The following CCNB3 variants were observed in gnomAD, a reference collection of about 807,000 sequenced individuals.
CCNB3 encodes the protein G2/mitotic-specific cyclin-B3.
A neutral mutation model predicts 68.0 loss-of-function variants in CCNB3; 12 were observed. The ratio of observed to expected loss-of-function variants is 0.18; its 90% CI spans 0.11 to 0.29. The LOEUF (loss-of-function observed/expected upper bound fraction) is 0.29, where lower values mean the gene tolerates loss of function less well. Ranked by LOEUF, CCNB3 falls within the 10% of genes least tolerant of loss-of-function variation. The probability of loss-of-function intolerance (pLI) is 1.00; values close to 1 mark genes in which losing one functional copy is unlikely to be tolerated. For synonymous variants in CCNB3, 354 were observed against 388.9 expected, an observed-to-expected ratio of 0.91 and a Z score of 1.06; for missense variants, 904 against 993.1, an observed-to-expected ratio of 0.91 and a Z score of 1.21.
Position 50,310,669 on chromosome X carries a change from C to A in CCNB3, c.2500C>A (p.Gln834Lys), listed in dbSNP as rs367919317. The change falls in exon 6 of 13, where the codon CAG becomes AAG. Residue 834 changes from glutamine (Q) to lysine (K), a missense_variant. By Grantham distance (53) the Gln-to-Lys change is moderately conservative. Around this residue, in one of 2 missense-constraint regions of CCNB3, gnomAD observed 619 missense variants for 609.8 expected, o/e 1.02. Coordinates refer to ENST00000376042, the MANE Select transcript of CCNB3 (RefSeq NM_033031.3). Reference sequence around the variant, plus strand: ...TCACTTTAAGGAACCTTTGGCCTTGCAGGAGGAGCCCAGCACTGAGAAGGA... The same window carrying A: ...TCACTTTAAGGAACCTTTGGCCTTGAAGGAGGAGCCCAGCACTGAGAAGGA... ...EAHFKEPLAL[Q>K]EEPSTEKEAV... 4.1e-6 allele frequency: 5 copies of A among 1,209,094 alleles called. No homozygotes were observed. The African/African-American group carries it at 5.3e-5, about 13-fold the overall frequency.
intron 8 of CCNB3, among the ~76,000 whole-genome samples, chrX:50,324,004 T>C (rs1430409218): frequency 8.9e-6 from 1 of 112,362 alleles, no homozygotes; most frequent in African/African-American, 3.2e-5. Context: ...GAGTCATTTT[T>C]GTAGTTTATA....
chrX:50,301,207 G>A (rs954628502), intron 5 of CCNB3, among the ~76,000 whole-genome samples: 32 of 111,375 alleles, frequency 2.9e-4, no homozygotes, highest in African/African-American at 8.2e-4. Flanking sequence ...GAGGAGAGGC[G>A]CTCTGATTTT....
At chrX:50,297,784 G>A (rs1557211478) in intron 5 of CCNB3, among the ~76,000 whole-genome samples, 1 of 111,404 alleles carries the variant, frequency 9.0e-6, no homozygotes, top group Non-Finnish European at 1.9e-5. Flanking sequence ...TCTTCCATTT[G>A]TTTGTATCCT....
intron 3 of CCNB3, 47 bp from the exon 4 acceptor site, chrX:50,288,733 G>A (rs977662761): frequency 1.0e-6 from 1 of 986,925 alleles, no homozygotes; most frequent in Admixed American, 2.3e-5. Context: ...TCCCTGAAGA[G>A]ACTGTTCACA....
intron 1 of CCNB3, among the ~76,000 whole-genome samples, chrX:50,217,143 A>G (rs1935584145): frequency 9.4e-6 from 1 of 106,373 alleles, no homozygotes; most frequent in Admixed American, 1.0e-4. Flanking sequence ...ATGTTTTAAG[A>G]TTCCTTCTTT....
chrX:50,215,941 CTTTTTTTTTTT>C (rs1195858030), intron 1 of CCNB3, among the ~76,000 whole-genome samples: 12 of 52,487 alleles, frequency 2.3e-4, no homozygotes, highest in African/African-American at 6.9e-4. Flanking sequence ...GGGTGTGCTT[CTTTTTTTTTTT>C]TTTTTTTTTT....
intron 9 of CCNB3, among the ~76,000 whole-genome samples, chrX:50,345,698 C>A (rs1186900459): frequency 9.0e-6 from 1 of 111,579 alleles, no homozygotes; most frequent in Non-Finnish European, 1.9e-5. Flanking sequence ...GTACAGAAAG[C>A]CTTTTGTTTA....
intron 1 of CCNB3, among the ~76,000 whole-genome samples, chrX:50,209,643 A>T (rs1359189129): frequency 3.6e-5 from 4 of 112,365 alleles, no homozygotes; most frequent in African/African-American, 1.3e-4. Flanking sequence ...GGCATGAGCC[A>T]CTGCGCCTGG....
intron 1 of CCNB3, among the ~76,000 whole-genome samples, chrX:50,228,865 A>G (rs1451474588): frequency 4.1e-5 from 3 of 72,478 alleles, no homozygotes; most frequent in African/African-American, 1.7e-4. Flanking sequence ...TCTAGAATAT[A>G]TATGTAGAAT....
At chrX:50,226,094 T>G (rs1256097645) in intron 1 of CCNB3, among the ~76,000 whole-genome samples, 1 of 83,878 alleles carries the variant, frequency 1.2e-5, no homozygotes, top group East Asian at 3.5e-4. Flanking sequence ...TATATGAATA[T>G]ATATAGAATA....
At chrX:50,346,867 A>C (rs1557220404) in intron 10 of CCNB3, 60 bp downstream of exon 10, 1 of 1,100,241 alleles carries the variant, frequency 9.1e-7, no homozygotes, top group African/African-American at 1.8e-5. Flanking sequence ...CTTTATACCC[A>C]GAGTAGCTGC....
At chrX:50,218,897 T>G (rs1935625985) in intron 1 of CCNB3, among the ~76,000 whole-genome samples, 1 of 111,583 alleles carries the variant, frequency 9.0e-6, no homozygotes, top group South Asian at 3.8e-4. Flanking sequence ...CACTCCCAAG[T>G]GTAAAAGTGT....
intron 1 of CCNB3, among the ~76,000 whole-genome samples, chrX:50,279,200 A>C (rs1379832938): frequency 0.12 from 333 of 2,794 alleles, 1 homozygote; most frequent in Non-Finnish European, 0.43. Context: ...TCTATATATA[A>C]ATATATAGAG....
rs887635115 is a variant in CCNB3 at position 50,225,611 on chromosome X, C to G, written c.-113+20661C>G. ...AGCCAAATAAGAGCCTAGGTGGCAG[C>G]GGAGATGGAGATACATTGACAAATA... On this transcript the variant is annotated intron_variant, in intron 1 of 12. Transcript: ENST00000376042. Among the ~76,000 whole-genome samples, 4 of 109,920 alleles carry G rather than the reference C, an allele frequency of 3.6e-5. No homozygotes were observed. In the Admixed American group the frequency reaches 4.0e-4, roughly 11 times the overall value.
intron 8 of CCNB3, among the ~76,000 whole-genome samples, chrX:50,315,691 C>T (rs1402157728): frequency 8.9e-6 from 1 of 111,776 alleles, no homozygotes; most frequent in African/African-American, 3.3e-5. Context: ...TTTGTAATCA[C>T]TACCACAGTT....
chrX:50,228,415 CTATG>C (rs1815657325), intron 1 of CCNB3, among the ~76,000 whole-genome samples: 1 of 85,106 alleles, frequency 1.2e-5, no homozygotes, highest in African/African-American at 4.2e-5. Context: ...GAGGATATAT[CTATG>C]TAGAATATAT....
At chrX:50,347,447 C>T (rs1262395618) in intron 10 of CCNB3, among the ~76,000 whole-genome samples, 179 bp from the exon 11 acceptor site, 9 of 109,361 alleles carry the variant, frequency 8.2e-5, no homozygotes, top group Admixed American at 2.0e-4. Flanking sequence ...TCAGAATCCC[C>T]CCTAAAGAGT....
rs782320692 is a variant in CCNB3 at position 50,309,045 on chromosome X, T to G, written c.876T>G (p.Ile292Met). ...CATCTTTAAAGAAGAAATGTACCAT[T>G]TATGGGAAGATATGCCACTTTAGGA... Reference protein sequence around the residue: ...KLSSLKKKCTIYGKICHFRKP... With the variant: ...KLSSLKKKCTMYGKICHFRKP... Residue 292 changes from isoleucine (I) to methionine (M), a missense_variant, in exon 6 of 13, where the codon ATT (isoleucine) becomes ATG (methionine). This residue lies in a region of CCNB3 where 619 missense variants were observed against 609.8 expected (regional missense o/e 1.02). Coordinates refer to ENST00000376042, the MANE Select transcript of CCNB3 (RefSeq NM_033031.3). The G allele has an allele frequency of 8.3e-7, 1 of 1,211,024 alleles. No individual in the cohort carries two copies. Among genetic ancestry groups the G allele is most frequent in the Non-Finnish European group, 1.1e-6 (1 of 895,186 alleles).
intron 1 of CCNB3, among the ~76,000 whole-genome samples, chrX:50,226,693 T>TAGAACATATCTATGAATATGTACAC (rs1935830767): frequency 1.3e-5 from 1 of 76,548 alleles, no homozygotes; most frequent in Admixed American, 2.0e-4. Context: ...TAAATATATA[T>TAGAACATATCTATGAATATGTACAC]AGAATATACA....
Sources: allele counts gnomAD v4.1 joint callset (sites outside exome capture counted in the v4.1 genomes callset), GRCh38; gene constraint gnomAD v4.1.1; regional missense constraint gnomAD v4.1.1; transcripts MANE v1.5; gene names NCBI Gene and HGNC (gene_info 2026-07-23, HGNC 2026-07-21).